MAGI2: variants seen among roughly 807,000 people sequenced by gnomAD.
The protein encoded by MAGI2 is membrane-associated guanylate kinase, WW and PDZ domain-containing protein 2.
A neutral mutation model predicts 133.3 loss-of-function variants in MAGI2; 35 were observed. The ratio of observed to expected loss-of-function variants is 0.26; its 90% CI spans 0.20 to 0.35. The LOEUF is 0.35. Ranked by LOEUF, MAGI2 falls within the 10% of genes least tolerant of loss-of-function variation. The probability of loss-of-function intolerance (pLI) is 1.00; values close to 1 mark genes in which losing one functional copy is unlikely to be tolerated. For synonymous variants in MAGI2, 729 were observed against 710.6 expected (o/e 1.03, Z -0.41); for missense variants, 1,636 against 1,863.4 (o/e 0.88, Z 2.25).
intron 1 of MAGI2, among the ~76,000 whole-genome samples, chr7:79,191,785 T>C (rs955359874): frequency 1.3e-5 from 2 of 151,798 alleles, no homozygotes; most frequent in African/African-American, 4.9e-5. Flanking sequence ...TACTCCCCTT[T>C]TCTAGTATCT....
intron 2 of MAGI2, among the ~76,000 whole-genome samples, chr7:78,655,532 C>T (rs1263715738): frequency 7.2e-6 from 1 of 138,068 alleles, no homozygotes; most frequent in Non-Finnish European, 1.5e-5. Context: ...ACGTCTGAAA[C>T]AGCCAGGAAA....
chr7:79,286,112 G>C (rs907467938), intron 1 of MAGI2, among the ~76,000 whole-genome samples: 8 of 152,036 alleles, frequency 5.3e-5, no homozygotes, highest in South Asian at 4.1e-4. Context: ...AAGGCTTCTA[G>C]AAGGAAATGA....
intron 2 of MAGI2, among the ~76,000 whole-genome samples, chr7:78,770,612 A>G (rs1001297221): frequency 6.6e-5 from 10 of 152,212 alleles, no homozygotes; most frequent in African/African-American, 2.2e-4. Flanking sequence ...CTGACTCAGA[A>G]GGAGACATCA....
At chr7:78,754,409 A>ATAAATAAATAAC (rs1188062215) in intron 2 of MAGI2, among the ~76,000 whole-genome samples, 1 of 151,674 alleles carries the variant, frequency 6.6e-6, no homozygotes, top group African/African-American at 2.4e-5. Context: ...AAATAAATAA[A>ATAAATAAATAAC]TGCTGAAAGT....
At chr7:78,365,430 G>T (rs991421728) in intron 7 of MAGI2, among the ~76,000 whole-genome samples, 3 of 152,080 alleles carry the variant, frequency 2.0e-5, no homozygotes, top group Admixed American at 6.5e-5. Context: ...TTGGAGTCTG[G>T]GCTCTGCAGT....
chr7:78,931,571 G>T (rs1232706495), intron 2 of MAGI2, among the ~76,000 whole-genome samples: 1 of 151,486 alleles, frequency 6.6e-6, no homozygotes, highest in African/African-American at 2.4e-5. Context: ...GAGTAAATAA[G>T]AAATAAAATG....
intron 20 of MAGI2, among the ~76,000 whole-genome samples, chr7:78,100,455 A>G (rs769022784): frequency 6.6e-6 from 1 of 151,928 alleles, no homozygotes; most frequent in Non-Finnish European, 1.5e-5. Context: ...GGCTCAAGTG[A>G]TTCTCCCACC....
At chr7:78,714,178 T>C (rs935629519) in intron 2 of MAGI2, among the ~76,000 whole-genome samples, 1 of 152,088 alleles carries the variant, frequency 6.6e-6, no homozygotes, top group African/African-American at 2.4e-5. Context: ...AGAAAAAAGA[T>C]ACATAAATGA....
chr7:78,228,134 CAA>C (rs1180786503), intron 10 of MAGI2, among the ~76,000 whole-genome samples: 83 of 152,246 alleles, frequency 5.5e-4, no homozygotes, highest in Non-Finnish European at 1.3e-4. Flanking sequence ...CTACCTGTTA[CAA>C]AAGAGTATTC....
intron 1 of MAGI2, among the ~76,000 whole-genome samples, chr7:79,059,240 A>AT (rs1302469877): frequency 2.0e-5 from 3 of 151,846 alleles, no homozygotes; most frequent in African/African-American, 4.8e-5. Flanking sequence ...ATTTTTAATG[A>AT]TTTTTTAATA....
At chr7:78,858,498 T>C (rs1313310297) in intron 2 of MAGI2, among the ~76,000 whole-genome samples, 1 of 152,246 alleles carries the variant, frequency 6.6e-6, no homozygotes, top group Admixed American at 6.5e-5. Context: ...TCTGCCTTCC[T>C]TTCGTTATGC....
At chr7:78,689,831 A>G (rs927600598) in intron 2 of MAGI2, among the ~76,000 whole-genome samples, 4 of 151,730 alleles carry the variant, frequency 2.6e-5, no homozygotes, top group East Asian at 1.9e-4. Context: ...CAATTGTTGT[A>G]TTTGTGTTGT....
At chr7:78,283,780 G>A (rs933490422) in intron 9 of MAGI2, among the ~76,000 whole-genome samples, 1 of 152,006 alleles carries the variant, frequency 6.6e-6, no homozygotes, top group Admixed American at 6.6e-5. Flanking sequence ...TGTATGTCAT[G>A]GCATCTGTAA....
intron 2 of MAGI2, among the ~76,000 whole-genome samples, chr7:78,661,491 C>T (rs1449649328): frequency 6.6e-6 from 1 of 152,168 alleles, no homozygotes; most frequent in Non-Finnish European, 1.5e-5. Flanking sequence ...TTTCTCTAGT[C>T]ATCCAGATAT....
intron 1 of MAGI2, among the ~76,000 whole-genome samples, chr7:79,104,394 C>T (rs928400685): frequency 1.3e-5 from 2 of 152,036 alleles, no homozygotes; most frequent in African/African-American, 2.4e-5. Flanking sequence ...TTAGGCCGGG[C>T]GCCGTGGCTC....
chr7:78,775,260 C>T (rs1413727004), intron 2 of MAGI2, among the ~76,000 whole-genome samples: 1 of 139,932 alleles, frequency 7.1e-6, no homozygotes, highest in East Asian at 2.1e-4. Flanking sequence ...TTGCAGTGAG[C>T]CCAGATTGTG....
chr7:78,116,839 C>T (rs1819914050), intron 20 of MAGI2, among the ~76,000 whole-genome samples: 1 of 151,770 alleles, frequency 6.6e-6, no homozygotes, highest in African/African-American at 2.4e-5. Context: ...GTTTGTACCA[C>T]TGCACTCCAG....
intron 21 of MAGI2, among the ~76,000 whole-genome samples, chr7:78,030,939 T>C (rs1809505618): frequency 6.6e-6 from 1 of 152,230 alleles, no homozygotes; most frequent in Admixed American, 6.5e-5. Context: ...ATGGTGACTT[T>C]ATTCATAATC....
chr7:79,175,944 TGCATGGG>T (rs1052590055), intron 1 of MAGI2, among the ~76,000 whole-genome samples: 1 of 152,038 alleles, frequency 6.6e-6, no homozygotes, highest in Non-Finnish European at 1.5e-5. Flanking sequence ...ATACAAACCT[TGCATGGG>T]GCATTAACCT....
Sources: gnomAD v4.1 joint callset for allele counts (sites outside exome capture counted in the v4.1 genomes callset) on GRCh38, gnomAD v4.1.1 for gene constraint, MANE v1.5 for transcripts, NCBI Gene and HGNC (gene_info 2026-07-23, HGNC 2026-07-21) for gene names.